Variants in CHIC2 observed in about 807,000 individuals in gnomAD.
CHIC2 encodes the protein cysteine rich hydrophobic domain 2.
A neutral mutation model predicts 25.9 loss-of-function variants in CHIC2; 14 were observed. The ratio of observed to expected loss-of-function variants is 0.54; its 90% CI spans 0.36 to 0.85. CHIC2 has a LOEUF of 0.85. Among genes scored for constraint, CHIC2 ranks in the 40% least tolerant of loss-of-function variants. CHIC2 has a pLI of 0.01. For synonymous variants in CHIC2, 70 were observed against 72.0 expected (o/e 0.97, Z 0.14); for missense variants, 146 against 202.0 (o/e 0.72, Z 1.68).
At chr4:54,032,555 T>C (rs7691405) in intron 3 of CHIC2, among the ~76,000 whole-genome samples, 56,143 of 151,990 alleles carry the variant, frequency 0.37, 10,944 homozygotes, top group African/African-American at 0.47. Flanking sequence ...GACGGAGTCT[T>C]GTTCAAAGTA....
chr4:54,049,120 A>T lies in CHIC2; in HGVS notation c.175-10T>A. The T allele has an allele frequency of 1.3e-6, 2 of 1,592,490 alleles. No individual in the cohort carries two copies. Among genetic ancestry groups the T allele is most frequent in the Non-Finnish European group, 1.7e-6 (2 of 1,170,484 alleles). On this transcript the variant is annotated splice_polypyrimidine_tract_variant and intron_variant, in intron 2 of 5. Transcript: ENST00000263921. ...ATTCTTCAGGAGCTACCTAAAGAAAAATTTTAAGAAATAATAACAATGCAA... is the reference window on the plus strand; with the variant it reads ...ATTCTTCAGGAGCTACCTAAAGAAATATTTTAAGAAATAATAACAATGCAA...
intron 3 of CHIC2, among the ~76,000 whole-genome samples, chr4:54,018,868 T>C (rs1715817181): frequency 6.6e-6 from 1 of 152,034 alleles, no homozygotes; most frequent in Non-Finnish European, 1.5e-5. Flanking sequence ...AAATTTCAAA[T>C]GTTCAATTCC....
rs1337508207 is a variant in CHIC2 at position 54,030,533 on chromosome 4, A to AT, written c.331-16415_331-16414insA. Among the ~76,000 whole-genome samples the AT allele has an allele frequency of 9.7e-4, 115 of 118,204 alleles. 1 individual carries two copies. The highest frequency in any genetic ancestry group is 3.6e-3 in the African/African-American group (111 of 30,458). The allele number at this position is 118,204 out of a possible 152,430, so 77.5% of individuals were successfully genotyped here. Reference sequence around the variant, plus strand: ...GTCCCTATCTCAAAAGAAAAAAAAAAAAAAATATATATATATATGTATACA... The same window carrying AT: ...GTCCCTATCTCAAAAGAAAAAAAAAATAAAAATATATATATATATGTATACA... On this transcript the variant is annotated intron_variant, in intron 3 of 5. Transcript: ENST00000263921.
intron 3 of CHIC2, among the ~76,000 whole-genome samples, chr4:54,026,621 C>A (rs1416214036): frequency 6.6e-6 from 1 of 152,174 alleles, no homozygotes; most frequent in Non-Finnish European, 1.5e-5. Context: ...GCCCTAGTAT[C>A]CATCTACTAA....
chr4:54,059,845 G>C (rs1382357040), intron 1 of CHIC2: 1 of 152,062 alleles, frequency 6.6e-6, no homozygotes, highest in African/African-American at 2.4e-5. Flanking sequence ...AAATAGTAAA[G>C]AAAGATCAAT....
At chr4:54,068,502 GTTTGTTTAT>G (rs549776187), upstream of CHIC2, among the ~76,000 whole-genome samples, 336 of 152,278 alleles carry the variant, frequency 2.2e-3, no homozygotes, top group African/African-American at 7.7e-3. Context: ...AGAAATAAAT[GTTTGTTTAT>G]AAGTCACATA....
At chr4:54,010,358 C>G (rs188730067) in intron 5 of CHIC2, among the ~76,000 whole-genome samples, 231 of 151,968 alleles carry the variant, frequency 1.5e-3, no homozygotes, top group African/African-American at 5.3e-3. Flanking sequence ...CACGAAATAC[C>G]TTGGCTCTAT....
In CHIC2 at chr4:54,064,249, G is replaced by A. The variant is rs34128887; in HGVS notation, c.52C>T (p.Leu18=). The change falls in exon 1 of 6, where the codon CTG becomes TTG. Residue 18 remains leucine, a synonymous_variant. Coordinates refer to ENST00000263921, the MANE Select transcript of CHIC2 (RefSeq NM_012110.4). The surrounding 1 kb of genome is among the most constrained non-coding windows in gnomAD (Gnocchi z 4.2). ...YEEEEDEERA[L]EEQLLKYSPD... ...GAGTACTTGAGCAGCTGCTCCTCCA[G>A]GGCCCGCTCCTCGTCCTCCTCTTCC... 3,319 of 1,610,952 alleles carry A rather than the reference G, an allele frequency of 2.1e-3. 41 individuals are homozygous for A. In the African/African-American group the frequency reaches 0.032, roughly 16 times the overall value.
At chr4:54,054,361 TAA>T (rs1717104400) in intron 1 of CHIC2, among the ~76,000 whole-genome samples, 3 of 152,320 alleles carry the variant, frequency 2.0e-5, no homozygotes, top group African/African-American at 7.2e-5. Context: ...CATTTTAAAT[TAA>T]GACATGTTTT....
chr4:54,058,559 T>TACACACACACACACACACACACACAC (rs36034143), intron 1 of CHIC2, among the ~76,000 whole-genome samples: 2 of 138,478 alleles, frequency 1.4e-5, no homozygotes, highest in Non-Finnish European at 1.6e-5. Flanking sequence ...TACACACACA[T>TACACACACACACACACACACACACAC]ACACACACAC....
chr4:54,045,597 C>T (rs1390515964), intron 3 of CHIC2, among the ~76,000 whole-genome samples: 3 of 151,942 alleles, frequency 2.0e-5, no homozygotes, highest in Non-Finnish European at 2.9e-5. Context: ...CAAAATTCAA[C>T]AACCCTTCAT....
At chr4:54,061,443 A>G (rs527391253) in intron 1 of CHIC2, among the ~76,000 whole-genome samples, 70 of 152,270 alleles carry the variant, frequency 4.6e-4, no homozygotes, top group African/African-American at 1.6e-3. Context: ...AGACTGATCT[A>G]GACTACAGAT....
At chr4:54,053,836 G>C (rs745940189) in intron 1 of CHIC2, among the ~76,000 whole-genome samples, 14 of 152,016 alleles carry the variant, frequency 9.2e-5, no homozygotes, top group Non-Finnish European at 1.5e-4. Context: ...TGTTGTTCAG[G>C]CTGGAGTGCG....
At chr4:54,010,223 AT>A in intron 5 of CHIC2, 78 bp from the exon 6 acceptor site, 13 of 1,018,940 alleles carry the variant, frequency 1.3e-5, no homozygotes, top group Non-Finnish European at 1.3e-5. Flanking sequence ...TGCTTTCACA[AT>A]TTTTTTGAAA....
chr4:54,060,659 G>A lies in CHIC2; in HGVS notation c.119+3523C>T, dbSNP rs572082529. 1.1e-4 allele frequency: 17 copies of A among 151,992 alleles called. No individual in the cohort carries two copies. The South Asian group carries it at 1.2e-3, about 11-fold the overall frequency. 9.4% of individuals were successfully genotyped at this position (151,992 alleles called of 1,614,324 possible). A position where few individuals can be genotyped will look rare whatever the true frequency, so the allele number is the denominator to read the frequency against. On this transcript the variant is annotated intron_variant, in intron 1 of 5. Coordinates refer to ENST00000263921, the MANE Select transcript of CHIC2 (RefSeq NM_012110.4). ...CTTTAGAGTTACCACTGTGAAAAACGAAACTCTTCAATAAATGATCAACAT... is the reference window on the plus strand; with the variant it reads ...CTTTAGAGTTACCACTGTGAAAAACAAAACTCTTCAATAAATGATCAACAT...
At position 54,009,983 on chromosome 4, in the gene CHIC2, A is replaced by AAAAAC; in HGVS notation, c.*111_*112insGTTTT. ...AAAAAAACAAAAACAAAAACAAAAA[A>AAAAAC]AACACCACACGATTCTGTAGAACCA... On this transcript the variant is annotated 3_prime_UTR_variant, in exon 6 of 6. Coordinates refer to ENST00000263921, the MANE Select transcript of CHIC2 (RefSeq NM_012110.4). 1.5e-6 allele frequency: 1 copy of AAAAAC among 647,032 alleles called. No homozygotes were observed. Among genetic ancestry groups the AAAAAC allele is most frequent in the Non-Finnish European group, 2.6e-6 (1 of 387,096 alleles). 40.1% of individuals were successfully genotyped at this position (647,032 alleles called of 1,614,324 possible).
the CHIC2 span, among the ~76,000 whole-genome samples, chr4:54,085,417 C>G: frequency 2.6e-5 from 4 of 152,126 alleles, no homozygotes; most frequent in Admixed American, 6.5e-5. Flanking sequence ...CACTGTCTTG[C>G]TCAATCAATT....
Position 54,041,473 on chromosome 4 carries a change from T to G in CHIC2, c.330+7482A>C, listed in dbSNP as rs185951172. Among the ~76,000 whole-genome samples, 80 of 152,256 alleles carry G rather than the reference T, an allele frequency of 5.3e-4. 1 individual carries two copies. Among genetic ancestry groups the G allele is most frequent in the Non-Finnish European group, 2.9e-5 (2 of 68,014 alleles). ...ACCACTAACTGAAATGTATTACATT[T>G]CCTTAGGTTATGAATGTATGCAACT... On this transcript the variant is annotated intron_variant, in intron 3 of 5. Coordinates refer to ENST00000263921, the MANE Select transcript of CHIC2 (RefSeq NM_012110.4).
chr4:54,062,528 C>CT (rs1373043170), intron 1 of CHIC2, among the ~76,000 whole-genome samples: 10 of 152,078 alleles, frequency 6.6e-5, no homozygotes, highest in African/African-American at 1.9e-4. Context: ...TCCACGTAGC[C>CT]AACTACAATC....
Sources: gnomAD v4.1 joint callset for allele counts (sites outside exome capture counted in the v4.1 genomes callset) on GRCh38, gnomAD v4.1.1 for gene constraint, Gnocchi (gnomAD v3.1) non-coding constraint, MANE v1.5 for transcripts, NCBI Gene and HGNC (gene_info 2026-07-23, HGNC 2026-07-21) for gene names.